Variants in R3HCC1L observed in about 807,000 individuals in gnomAD.
R3HCC1L encodes R3H domain and coiled-coil containing 1 like.
In R3HCC1L, 51 loss-of-function variants were observed where a neutral mutation model predicts 59.9. The ratio of observed to expected loss-of-function variants is 0.85; its 90% CI spans 0.68 to 1.07. R3HCC1L has a LOEUF of 1.07. Ranked by LOEUF, R3HCC1L falls within the 50% of genes least tolerant of loss-of-function variation. The pLI is 0.00. For missense variants in R3HCC1L, 965 were observed against 933.0 expected, an observed-to-expected ratio of 1.03 and a Z score of -0.45; for synonymous variants, 322 against 315.2, an observed-to-expected ratio of 1.02 and a Z score of -0.23.
intron 4 of R3HCC1L, among the ~76,000 whole-genome samples, chr10:98,171,788 C>A (rs1004057959): frequency 6.6e-6 from 1 of 152,068 alleles, no homozygotes; most frequent in African/African-American, 2.4e-5. Flanking sequence ...ACACAACATT[C>A]GATTATACAA....
chr10:98,193,459 TTG>T (rs1429114133), intron 4 of R3HCC1L, among the ~76,000 whole-genome samples: 3 of 152,080 alleles, frequency 2.0e-5, no homozygotes, highest in Non-Finnish European at 4.4e-5. Flanking sequence ...CCAAAATCAC[TTG>T]TGTTTCTGTG....
intron 4 of R3HCC1L, among the ~76,000 whole-genome samples, chr10:98,165,001 C>G (rs111562642): frequency 6.6e-6 from 1 of 152,138 alleles, no homozygotes; most frequent in Non-Finnish European, 1.5e-5. Context: ...AGCTCACCCC[C>G]GTAATCCCAG....
Position 98,142,380 on chromosome 10 carries a change from G to T in R3HCC1L, c.-268+7674G>T, listed in dbSNP as rs574263090. 5.3e-5 allele frequency among the ~76,000 whole-genome samples: 8 copies of T among 151,806 alleles called. No homozygotes were observed. In the East Asian group the frequency reaches 1.5e-3, roughly 29 times the overall value. On this transcript the variant is annotated intron_variant, in intron 1 of 9. Transcript: ENST00000298999. ...CTCTTTCTTTTCTTTTTTTGTACCT[G>T]TAATCCCAACACTTTGGGAGGCTGA...
intron 4 of R3HCC1L, among the ~76,000 whole-genome samples, chr10:98,199,798 CTA>C (rs1390114333): frequency 1.3e-5 from 2 of 151,900 alleles, no homozygotes; most frequent in African/African-American, 4.8e-5. Context: ...TATCATTTTT[CTA>C]TATGTTTAAC....
intron 4 of R3HCC1L, among the ~76,000 whole-genome samples, chr10:98,176,897 C>G (rs1433713884): frequency 6.6e-6 from 1 of 151,570 alleles, no homozygotes; most frequent in Non-Finnish European, 1.5e-5. Flanking sequence ...TTCTCCTATT[C>G]CTAGTTTACT....
At chr10:98,142,141 CTTA>C (rs1341445609) in intron 1 of R3HCC1L, among the ~76,000 whole-genome samples, 1 of 152,122 alleles carries the variant, frequency 6.6e-6, no homozygotes, top group Non-Finnish European at 1.5e-5. Flanking sequence ...TGAACAAGAT[CTTA>C]TTATTTCTTT....
chr10:98,232,918 A>G (rs1856546063), intron 6 of R3HCC1L, among the ~76,000 whole-genome samples: 1 of 152,204 alleles, frequency 6.6e-6, no homozygotes, highest in Non-Finnish European at 1.5e-5. Flanking sequence ...TTAATCAGTT[A>G]AACTTAATTC....
intron 5 of R3HCC1L, among the ~76,000 whole-genome samples, chr10:98,212,478 T>G (rs1853695982): frequency 6.6e-6 from 1 of 152,172 alleles, no homozygotes; most frequent in Non-Finnish European, 1.5e-5. Context: ...CCTCCAAAAC[T>G]GCCTTAGGGG....
chr10:98,141,343 T>A (rs548118148), intron 1 of R3HCC1L, among the ~76,000 whole-genome samples: 41 of 152,336 alleles, frequency 2.7e-4, no homozygotes, highest in African/African-American at 9.9e-4. Flanking sequence ...AACTGTCTTA[T>A]TTAAACAGGT....
chr10:98,193,083 T>G (rs191066482), intron 4 of R3HCC1L, among the ~76,000 whole-genome samples: 2 of 141,874 alleles, frequency 1.4e-5, no homozygotes, highest in Non-Finnish European at 3.2e-5. Context: ...AATACCTTTT[T>G]ATGATAAAAA....
At chr10:98,235,387 A>G (rs1429439220) in intron 7 of R3HCC1L, 38 bp from the exon 8 acceptor site, 1 of 1,558,746 alleles carries the variant, frequency 6.4e-7, no homozygotes, top group East Asian at 2.2e-5. Context: ...GCATCACTCT[A>G]CTTCATGTCT....
At chr10:98,227,481 G>A (rs1201598938) in intron 5 of R3HCC1L, among the ~76,000 whole-genome samples, 1 of 151,858 alleles carries the variant, frequency 6.6e-6, no homozygotes, top group Non-Finnish European at 1.5e-5. Context: ...GAGAAAGCTT[G>A]AAGGGACCTG....
chr10:98,165,921 C>T (rs1180930122), intron 4 of R3HCC1L, among the ~76,000 whole-genome samples: 2 of 152,164 alleles, frequency 1.3e-5, no homozygotes, highest in East Asian at 1.9e-4. Context: ...CCTGTAATCC[C>T]AGCACTTTGG....
chr10:98,147,596 AC>A (rs1327505215), intron 1 of R3HCC1L, among the ~76,000 whole-genome samples: 1 of 152,142 alleles, frequency 6.6e-6, no homozygotes, highest in Non-Finnish European at 1.5e-5. Flanking sequence ...GTACAGTGAA[AC>A]ATAGGTCCTA....
chr10:98,210,605 T>A (rs1853456349), intron 5 of R3HCC1L, among the ~76,000 whole-genome samples: 1 of 152,198 alleles, frequency 6.6e-6, no homozygotes, highest in Admixed American at 6.6e-5. Flanking sequence ...GAACACTCCC[T>A]CTTTCCTTCC....
intron 5 of R3HCC1L, chr10:98,230,918 C>A: frequency 4.6e-6 from 1 of 217,458 alleles, no homozygotes. Flanking sequence ...CTGCTATATG[C>A]ACATTCCTTA....
chr10:98,162,272 T>C (rs758246204), intron 2 of R3HCC1L, among the ~76,000 whole-genome samples: 7 of 152,210 alleles, frequency 4.6e-5, no homozygotes, highest in Non-Finnish European at 7.3e-5. Context: ...TAAGTAAATA[T>C]CCTTGTAGAA....
intron 4 of R3HCC1L, among the ~76,000 whole-genome samples, chr10:98,192,748 TC>T (rs1233917277): frequency 1.3e-5 from 2 of 152,052 alleles, no homozygotes; most frequent in African/African-American, 4.8e-5. Flanking sequence ...CTTAAACTCT[TC>T]CAAAAAATGG....
intron 4 of R3HCC1L, among the ~76,000 whole-genome samples, chr10:98,189,818 G>A (rs966163104): frequency 6.6e-6 from 1 of 152,146 alleles, no homozygotes; most frequent in Non-Finnish European, 1.5e-5. Flanking sequence ...TGCTGTCCAA[G>A]TATAATTTTT....
Sources: gnomAD v4.1 joint callset for allele counts (sites outside exome capture counted in the v4.1 genomes callset) on GRCh38, gnomAD v4.1.1 for gene constraint, MANE v1.5 for transcripts, NCBI Gene and HGNC (gene_info 2026-07-23, HGNC 2026-07-21) for gene names.